AMPD3: variants seen among roughly 807,000 people sequenced by gnomAD.
AMPD3 encodes the protein AMP deaminase 3.
AMPD3 carries 57 observed loss-of-function variants against 82.3 expected under a neutral mutation model. The observed-to-expected ratio is 0.69, with a 90% confidence interval of 0.56 to 0.86. The LOEUF (loss-of-function observed/expected upper bound fraction) is 0.86, where lower values mean the gene tolerates loss of function less well. Among genes scored for constraint, AMPD3 ranks in the 40% least tolerant of loss-of-function variants. The probability of loss-of-function intolerance (pLI) is 0.00; values close to 1 mark genes in which losing one functional copy is unlikely to be tolerated. For synonymous variants in AMPD3, 381 were observed against 394.7 expected (o/e 0.97, Z 0.41); for missense variants, 870 against 1,003.8 (o/e 0.87, Z 1.80).
At position 10,456,700 on chromosome 11, in the gene AMPD3, G is replaced by A; in HGVS notation, c.-6+1252G>A. On this transcript the variant is annotated intron_variant, in intron 1 of 14. Coordinates refer to ENST00000396553, the MANE Select transcript of AMPD3 (RefSeq NM_001025389.2). The surrounding 1 kb of genome is among the most constrained non-coding windows in gnomAD (Gnocchi z 4.3). ...TGCTGGCTTCAGCTGACAAAGGGTTGGAAGCCAGGCGTGAACATGCAGCTG... is the reference window on the plus strand; with the variant it reads ...TGCTGGCTTCAGCTGACAAAGGGTTAGAAGCCAGGCGTGAACATGCAGCTG... The A allele has an allele frequency of 2.5e-6, 2 of 793,208 alleles. No individual in the cohort carries two copies. The highest frequency in any genetic ancestry group is 3.7e-5 in the African/African-American group (2 of 53,512). 49.1% of individuals were successfully genotyped at this position (793,208 alleles called of 1,614,324 possible).
intron 7 of AMPD3, among the ~76,000 whole-genome samples, chr11:10,494,059 C>A (rs1421383720): frequency 6.6e-6 from 1 of 152,164 alleles, no homozygotes; most frequent in African/African-American, 2.4e-5. Flanking sequence ...TTATTCATAG[C>A]AGCCAACAGA....
chr11:10,498,953 C>T (rs1849499886), intron 10 of AMPD3, among the ~76,000 whole-genome samples: 1 of 152,206 alleles, frequency 6.6e-6, no homozygotes, highest in African/African-American at 2.4e-5. Flanking sequence ...GGAGCAGCCC[C>T]CCAGGGGTCC....
intron 10 of AMPD3, 126 bp from the exon 11 acceptor site, chr11:10,499,960 C>T: frequency 6.5e-7 from 1 of 1,533,442 alleles, no homozygotes; most frequent in Non-Finnish European, 8.8e-7. Flanking sequence ...AAGGGGTCCC[C>T]AGCTGAGGTG....
intron 1 of AMPD3, among the ~76,000 whole-genome samples, chr11:10,458,253 C>CT (rs1848156549): frequency 3.9e-5 from 1 of 25,854 alleles, no homozygotes; most frequent in Admixed American, 3.4e-4. Flanking sequence ...AACCTCATCT[C>CT]TAAAAAAAAA....
chr11:10,471,190 C>T (rs1848578854), intron 2 of AMPD3, among the ~76,000 whole-genome samples: 1 of 152,194 alleles, frequency 6.6e-6, no homozygotes, highest in Non-Finnish European at 1.5e-5. Flanking sequence ...TTTGACAAAC[C>T]TGGCACAAAC....
At chr11:10,496,692 G>A in intron 9 of AMPD3, 120 bp from the exon 10 acceptor site, 2 of 1,546,606 alleles carry the variant, frequency 1.3e-6, no homozygotes, top group Non-Finnish European at 1.8e-6. Context: ...GGTCCCATCT[G>A]ACTTGATTCT....
At chr11:10,482,314 G>T in intron 4 of AMPD3, 89 bp downstream of exon 4, 1 of 1,440,846 alleles carries the variant, frequency 6.9e-7, no homozygotes, top group Non-Finnish European at 9.4e-7. Context: ...TATTTCCCCT[G>T]ATAGTATTTT....
At chr11:10,487,098 A>G (rs1428604680) in intron 5 of AMPD3, 137 bp from the exon 6 acceptor site, 13 of 1,563,530 alleles carry the variant, frequency 8.3e-6, no homozygotes, top group African/African-American at 4.1e-5. Context: ...GGTCTGTAGA[A>G]AGCCAGAACC....
upstream of AMPD3, among the ~76,000 whole-genome samples, chr11:10,452,167 T>C (rs1847978959): frequency 6.7e-6 from 1 of 149,568 alleles, no homozygotes; most frequent in East Asian, 2.0e-4. Flanking sequence ...CTTTGAGAGA[T>C]GAGGTTTTTT....
intron 2 of AMPD3, chr11:10,478,255 C>T (rs945374496): frequency 1.0e-6 from 1 of 985,426 alleles, no homozygotes. Context: ...TCTCCTAGGG[C>T]ATTTGCCTGC....
intron 11 of AMPD3, chr11:10,500,846 G>A (rs1209165087): frequency 1.0e-6 from 1 of 985,310 alleles, no homozygotes; most frequent in Non-Finnish European, 1.2e-6. Flanking sequence ...AGGGCAGCAG[G>A]ACACTGAGCC....
intron 5 of AMPD3, among the ~76,000 whole-genome samples, chr11:10,485,432 CAG>C (rs545189823): frequency 1.3e-4 from 20 of 152,138 alleles, no homozygotes; most frequent in African/African-American, 4.3e-4. Context: ...TTAGTAGAGA[CAG>C]GGGTTTTGCC....
intron 3 of AMPD3, among the ~76,000 whole-genome samples, chr11:10,480,286 G>A (rs1848863847): frequency 6.6e-6 from 1 of 152,196 alleles, no homozygotes; most frequent in Non-Finnish European, 1.5e-5. Flanking sequence ...CTTAGCCATG[G>A]CATGAGCCCC....
intron 2 of AMPD3, among the ~76,000 whole-genome samples, chr11:10,462,126 G>A (rs1436625535): frequency 6.6e-6 from 1 of 152,152 alleles, no homozygotes; most frequent in African/African-American, 2.4e-5. Context: ...GACTGGAGAT[G>A]TTATAATGAA....
intron 6 of AMPD3, among the ~76,000 whole-genome samples, chr11:10,489,033 C>T (rs960288618): frequency 1.3e-5 from 2 of 152,208 alleles, no homozygotes; most frequent in Non-Finnish European, 2.9e-5. Flanking sequence ...TTGGCTTCAG[C>T]TCATGTGCCC....
At chr11:10,482,814 C>G (rs1848952586) in intron 4 of AMPD3, among the ~76,000 whole-genome samples, 1 of 152,206 alleles carries the variant, frequency 6.6e-6, no homozygotes, top group Non-Finnish European at 1.5e-5. Flanking sequence ...ATGTGAGTCA[C>G]TGCGCCTGGC....
chr11:10,502,804 A>G lies in AMPD3; in HGVS notation c.1926A>G (p.Glu642=). 4 of 1,614,152 alleles carry G rather than the reference A, an allele frequency of 2.5e-6. No individual in the cohort carries two copies. Among genetic ancestry groups the G allele is most frequent in the Non-Finnish European group, 3.4e-6 (4 of 1,180,000 alleles). Residue 642 remains glutamate (E), a synonymous_variant, in exon 13 of 15, where the codon GAA becomes GAG. Coordinates refer to ENST00000396553, the MANE Select transcript of AMPD3 (RefSeq NM_001025389.2). The part of the protein sequence containing the change: ...SPLSNNSLFL[E]YSKNPLREFL... ...TTAGCAACAACAGTTTGTTCCTCGA[A>G]TATTCCAAGAACCCTCTGAGGGAAT...
rs900960965 is a variant in AMPD3 at position 10,500,216 on chromosome 11, A to G, written c.1688A>G (p.Tyr563Cys). 1.2e-6 allele frequency: 2 copies of G among 1,614,234 alleles called. No homozygotes were observed. ...PPYSYYLYYMYANIMVLNNLR... is the reference protein window; with the variant it reads ...PPYSYYLYYMCANIMVLNNLR... ...TACAGCTACTACCTGTACTACATGT[A>G]TGCCAACATCATGGTGCTCAACAAC... is the stretch of plus-strand genomic sequence containing the variant. Residue 563 changes from tyrosine to cysteine, a missense_variant, in exon 11 of 15, where the codon TAT (tyrosine) becomes TGT (cysteine). By Grantham distance (194) the Tyr-to-Cys change is radical. Transcript: ENST00000396553.
chr11:10,471,613 A>C (rs1176735445), intron 2 of AMPD3, among the ~76,000 whole-genome samples: 9 of 152,224 alleles, frequency 5.9e-5, no homozygotes, highest in Admixed American at 5.2e-4. Flanking sequence ...ACAAGAAAAC[A>C]ACCCCATCAA....
Sources: allele counts gnomAD v4.1 joint callset (sites outside exome capture counted in the v4.1 genomes callset), GRCh38; gene constraint gnomAD v4.1.1; non-coding constraint Gnocchi (gnomAD v3.1); transcripts MANE v1.5; gene names NCBI Gene and HGNC (gene_info 2026-07-23, HGNC 2026-07-21).